Variants in DCAF7 observed in about 807,000 individuals in gnomAD.
DCAF7 encodes DDB1 and CUL4 associated factor 7, also known as DDB1- and CUL4-associated factor 7.
Under a neutral mutation model 41.2 loss-of-function variants are expected in DCAF7, and 4 were observed. The observed-to-expected ratio is 0.10, with a 90% CI of 0.05 to 0.22. The LOEUF is 0.22. Ranked by LOEUF, DCAF7 falls within the 10% of genes least tolerant of loss-of-function variation. DCAF7 has a pLI of 1.00. For synonymous variants in DCAF7, 143 were observed against 164.2 expected, an observed-to-expected ratio of 0.87 and a Z score of 0.99; for missense variants, 131 against 443.2, an observed-to-expected ratio of 0.30 and a Z score of 6.32.
intron 1 of DCAF7, among the ~76,000 whole-genome samples, chr17:63,564,168 C>CACACACACACACACAT (rs1344638012): frequency 2.7e-5 from 4 of 150,782 alleles, no homozygotes; most frequent in Admixed American, 2.0e-4. Context: ...CACACATACA[C>CACACACACACACACAT]ATATATACAC....
intron 1 of DCAF7, among the ~76,000 whole-genome samples, chr17:63,566,909 G>T (rs2033448801): frequency 6.6e-6 from 1 of 152,074 alleles, no homozygotes; most frequent in South Asian, 2.1e-4. Context: ...ATGAGACCTT[G>T]TCTCAAAAAA....
chr17:63,579,977 T>C (rs996392865), intron 4 of DCAF7, 34 bp downstream of exon 4: 1 of 1,539,224 alleles, frequency 6.5e-7, no homozygotes, highest in Admixed American at 1.7e-5. Flanking sequence ...TTTCCTCAAA[T>C]GCTTCCTGTG....
rs369218596 is a variant in DCAF7 at position 63,564,136 on chromosome 17, TACACACACAC to T, written c.138+13339_138+13348del. Among the ~76,000 whole-genome samples, 3 of 148,088 alleles carry T rather than the reference TACACACACAC, an allele frequency of 2.0e-5. No individual in the cohort carries two copies. The East Asian group carries it at 5.9e-4, about 29-fold the overall frequency. On this transcript the variant is annotated intron_variant, in intron 1 of 6. Transcript: ENST00000614556. ...ATGACATAGAGGGATGTTAACTTTA[TACACACACAC>T]ACACACACACACACACATACACATA...
rs1174624640 is a variant in DCAF7, at chr17:63,585,108, A to G, written c.739-103A>G. The G allele has an allele frequency of 6.7e-6, 6 of 896,008 alleles. No homozygotes were observed. In the East Asian group the frequency reaches 1.3e-4, roughly 19 times the overall value. 55.5% of individuals were successfully genotyped at this position (896,008 alleles called of 1,614,324 possible). On this transcript the variant is annotated intron_variant, in intron 5 of 6. Transcript: ENST00000614556. ...TGTCTCTAGTTCTTTAAATCCACAA[A>G]TGAAAAATTATGCCTAAAAAGATTT...
intron 1 of DCAF7, among the ~76,000 whole-genome samples, chr17:63,564,848 T>C (rs553450992): frequency 6.6e-6 from 1 of 152,342 alleles, no homozygotes; most frequent in South Asian, 2.1e-4. Flanking sequence ...CCACGCTCAG[T>C]ATTCCCTCCA....
chr17:63,577,491 A>G (rs2033575059), intron 1 of DCAF7, among the ~76,000 whole-genome samples: 1 of 152,164 alleles, frequency 6.6e-6, no homozygotes, highest in African/African-American at 2.4e-5. Flanking sequence ...GTTTGACAGC[A>G]AAGATTGGAA....
chr17:63,551,123 C>T (rs1018634892), intron 1 of DCAF7, among the ~76,000 whole-genome samples: 2 of 152,198 alleles, frequency 1.3e-5, no homozygotes, highest in South Asian at 2.1e-4. Flanking sequence ...CAAAGATACT[C>T]CATTTATTCA....
At chr17:63,573,815 T>C (rs1009176907) in intron 1 of DCAF7, among the ~76,000 whole-genome samples, 1 of 152,220 alleles carries the variant, frequency 6.6e-6, no homozygotes, top group Non-Finnish European at 1.5e-5. Context: ...ACAGTCCCTC[T>C]TGTGGCCATT....
At chr17:63,554,349 T>G (rs1382499197) in intron 1 of DCAF7, among the ~76,000 whole-genome samples, 1 of 152,262 alleles carries the variant, frequency 6.6e-6, no homozygotes, top group African/African-American at 2.4e-5. Context: ...ATTCCTGGGC[T>G]CCACCCCTGA....
intron 1 of DCAF7, among the ~76,000 whole-genome samples, chr17:63,553,799 G>A (rs2033283142): frequency 6.6e-6 from 1 of 152,186 alleles, no homozygotes. Context: ...ATAGAATTAA[G>A]TCTATCAACA....
intron 1 of DCAF7, among the ~76,000 whole-genome samples, chr17:63,556,732 T>A (rs898206150): frequency 2.0e-5 from 3 of 152,094 alleles, no homozygotes; most frequent in Middle Eastern, 3.4e-3. Context: ...CCAGATGTGG[T>A]GGTGCGTGCC....
At chr17:63,556,028 G>A (rs1380519115) in intron 1 of DCAF7, among the ~76,000 whole-genome samples, 1 of 152,208 alleles carries the variant, frequency 6.6e-6, no homozygotes, top group East Asian at 1.9e-4. Context: ...TTGGGTACCT[G>A]CAGACACTGG....
chr17:63,582,883 A>G (rs1598036439), intron 4 of DCAF7, among the ~76,000 whole-genome samples: 1 of 152,206 alleles, frequency 6.6e-6, no homozygotes, highest in African/African-American at 2.4e-5. Context: ...ACCTAAATTG[A>G]TTCACTTATG....
In DCAF7 at chr17:63,579,378, T is replaced by C. The variant is rs755196222; in HGVS notation, c.339T>C (p.Asn113=). ...TETRLECLLN[N]NKNSDFCAPL... ...CCAGGCTGGAGTGTTTGCTAAACAA[T>C]AATAAGAACTCTGATTTCTGTGCTC... The change falls in exon 3 of 7, where the codon AAT becomes AAC. Residue 113 remains asparagine (N), a synonymous_variant. Coordinates refer to ENST00000614556, the MANE Select transcript of DCAF7 (RefSeq NM_005828.5). 1.2e-6 allele frequency: 2 copies of C among 1,609,576 alleles called. No individual in the cohort carries two copies. Among genetic ancestry groups the C allele is most frequent in the Non-Finnish European group, 8.5e-7 (1 of 1,177,890 alleles).
chr17:63,564,136 TAC>T (rs369218596), intron 1 of DCAF7, among the ~76,000 whole-genome samples: 7,672 of 147,772 alleles, frequency 0.052, 533 homozygotes, highest in African/African-American at 0.16. Flanking sequence ...GTTAACTTTA[TAC>T]ACACACACAC....
At chr17:63,583,814 A>G in intron 5 of DCAF7, 103 bp downstream of exon 5, 1 of 1,162,588 alleles carries the variant, frequency 8.6e-7, no homozygotes, top group Non-Finnish European at 1.2e-6. Context: ...CTCCCGGAGT[A>G]TCTTTGGGAA....
rs2033237400 is a variant in DCAF7, at chr17:63,550,561, A to AG, written c.-115dup. 1 of 1,471,046 alleles carries AG rather than the reference A, an allele frequency of 6.8e-7. No individual in the cohort carries two copies. 91.1% of individuals were successfully genotyped at this position (1,471,046 alleles called of 1,614,324 possible). On this transcript the variant is annotated 5_prime_UTR_variant, in exon 1 of 7. Coordinates refer to ENST00000614556, the MANE Select transcript of DCAF7 (RefSeq NM_005828.5). The surrounding 1 kb of genome is among the most constrained non-coding windows in gnomAD (Gnocchi z 4.8). ...GTCGCCGCATCCCCGCTTCCGGGTT[A>AG]GGCCGTTCCTGCCCGCCCCCTCCTC...
intron 1 of DCAF7, among the ~76,000 whole-genome samples, chr17:63,562,613 G>T (rs971268353): frequency 6.7e-6 from 1 of 150,174 alleles, no homozygotes; most frequent in African/African-American, 2.4e-5. Flanking sequence ...ATGTATACAC[G>T]TGCCATGCTG....
intron 1 of DCAF7, among the ~76,000 whole-genome samples, chr17:63,561,850 G>GA (rs1008398993): frequency 2.0e-5 from 3 of 151,548 alleles, no homozygotes; most frequent in African/African-American, 4.8e-5. Context: ...CAACTGATTG[G>GA]AAAAAAAATG....
Sources: allele counts gnomAD v4.1 joint callset (sites outside exome capture counted in the v4.1 genomes callset), GRCh38; gene constraint gnomAD v4.1.1; non-coding constraint Gnocchi (gnomAD v3.1); transcripts MANE v1.5; gene names NCBI Gene and HGNC (gene_info 2026-07-23, HGNC 2026-07-21).